SEC14L1: variants seen among roughly 807,000 people sequenced by gnomAD.
The protein encoded by SEC14L1 is SEC14 like lipid binding 1, also known as SEC14-like protein 1.
A neutral mutation model predicts 85.3 loss-of-function variants in SEC14L1; 48 were observed. That is an observed-to-expected ratio of 0.56 (90% CI 0.45 to 0.72). SEC14L1 has a LOEUF of 0.72. SEC14L1 is among the 30% of genes least tolerant of loss of function. SEC14L1 has a pLI of 0.00. For missense variants in SEC14L1, 682 were observed against 921.4 expected, an observed-to-expected ratio of 0.74 and a Z score of 3.36; for synonymous variants, 391 against 355.5, an observed-to-expected ratio of 1.10 and a Z score of -1.12.
intron 3 of SEC14L1, among the ~76,000 whole-genome samples, chr17:77,101,621 C>G (rs115224311): frequency 8.5e-4 from 130 of 152,268 alleles, no homozygotes; most frequent in African/African-American, 3.0e-3. Flanking sequence ...GCAAAGGACT[C>G]CCCTGGGGAT....
chr17:77,120,991 C>A (rs1247247491), intron 3 of SEC14L1, among the ~76,000 whole-genome samples: 2 of 152,140 alleles, frequency 1.3e-5, no homozygotes, highest in Non-Finnish European at 2.9e-5. Flanking sequence ...GAGGCAGGAA[C>A]CAAGGCAGCA....
rs774591837 is a variant in SEC14L1, at chr17:77,191,328, C to G, written c.345+16C>G. ...CTGCTACACCGTGAGTAATCTGTCA[C>G]TCGGCGGAAGATGTTCTGCCGACAT... On this transcript the variant is annotated intron_variant, in intron 5 of 16. Coordinates refer to ENST00000436233, the MANE Select transcript of SEC14L1 (RefSeq NM_001143998.2). The G allele has an allele frequency of 3.7e-6, 6 of 1,613,768 alleles. No individual in the cohort carries two copies. The highest frequency in any genetic ancestry group is 5.1e-6 in the Non-Finnish European group (6 of 1,179,756).
rs1197421687 is a variant in SEC14L1, at chr17:77,213,086, G to A, written c.1864-228G>A. On this transcript the variant is annotated intron_variant, in intron 15 of 16. Transcript: ENST00000436233. The surrounding 1 kb of genome is among the most constrained non-coding windows in gnomAD (Gnocchi z 7.1). ...GCCTCGTGAGGGCCACGGACATGGA[G>A]CTTGTCCCTCCGGGCTTCCCAGCAC... Among the ~76,000 whole-genome samples the A allele has an allele frequency of 6.6e-6, 1 of 152,252 alleles. No homozygotes were observed. Among genetic ancestry groups the A allele is most frequent in the African/African-American group, 2.4e-5 (1 of 41,470 alleles).
chr17:77,194,723 G>A lies in SEC14L1; in HGVS notation c.521G>A (p.Gly174Asp), dbSNP rs1975714198. 2.5e-6 allele frequency: 4 copies of A among 1,614,094 alleles called. No homozygotes were observed. The South Asian group carries it at 4.4e-5, about 18-fold the overall frequency. The change falls in exon 7 of 17, where the codon GGC becomes GAC. Residue 174 changes from glycine (G) to aspartate (D), a missense_variant. This residue lies in a region of SEC14L1 where 123 missense variants were observed against 100.6 expected (regional missense o/e 1.22). Transcript: ENST00000436233. ...TACCTTCGCCAATTAGAAGAAGAAG[G>A]CATAACCTTTGTGCCCCGTTGGAGT... ...EYYLRQLEEE[G>D]ITFVPRWSPP... is the part of the protein sequence containing the mutation.
At chr17:77,168,759 T>C (rs1358016904) in intron 3 of SEC14L1, among the ~76,000 whole-genome samples, 1 of 152,214 alleles carries the variant, frequency 6.6e-6, no homozygotes, top group Non-Finnish European at 1.5e-5. Context: ...GGCATTTGGC[T>C]GGTGGGCCTA....
chr17:77,108,942 C>T (rs1255105561), intron 3 of SEC14L1, among the ~76,000 whole-genome samples: 1 of 151,964 alleles, frequency 6.6e-6, no homozygotes, highest in African/African-American at 2.4e-5. Flanking sequence ...TCTGGCTCAG[C>T]CTCCCAAGTA....
chr17:77,216,676 T>C lies in SEC14L1; in HGVS notation c.*2653T>C. On this transcript the variant is annotated 3_prime_UTR_variant, in exon 17 of 17. Transcript: ENST00000436233. ...CCCTCCCAGGCTGAAGATCTGTTCT[T>C]TTTAAGTTGATTCGGGAGTGGCATT... 6.3e-7 allele frequency: 1 copy of C among 1,589,328 alleles called. No individual in the cohort carries two copies. The highest frequency in any genetic ancestry group is 8.6e-7 in the Non-Finnish European group (1 of 1,162,154).
intron 3 of SEC14L1, among the ~76,000 whole-genome samples, chr17:77,154,636 TGTTTTTTTTTG>T (rs968011134): frequency 1.3e-4 from 11 of 87,388 alleles, no homozygotes; most frequent in East Asian, 4.6e-4. Flanking sequence ...TGGTTTTTTT[TGTTTTTTTTTG>T]GTTTTTTTTT....
chr17:77,175,492 C>G (rs1366407681), intron 3 of SEC14L1, among the ~76,000 whole-genome samples: 1 of 152,198 alleles, frequency 6.6e-6, no homozygotes, highest in Non-Finnish European at 1.5e-5. Flanking sequence ...GCTATGCAAC[C>G]CAGATGTCCG....
intron 3 of SEC14L1, among the ~76,000 whole-genome samples, chr17:77,162,979 T>C (rs1018628485): frequency 2.0e-5 from 3 of 152,174 alleles, no homozygotes; most frequent in African/African-American, 4.8e-5. Context: ...TAAAGCTATT[T>C]AGTTTGAGAA....
intron 14 of SEC14L1, chr17:77,211,486 TCA>T (rs1169515874): frequency 5.9e-6 from 1 of 169,514 alleles, no homozygotes; most frequent in Non-Finnish European, 1.3e-5. Flanking sequence ...CGTGTGAGCC[TCA>T]CACGGCAGGC....
chr17:77,169,637 G>A (rs1358265107), intron 3 of SEC14L1, among the ~76,000 whole-genome samples: 1 of 152,100 alleles, frequency 6.6e-6, no homozygotes, highest in Non-Finnish European at 1.5e-5. Context: ...CTATAGTTTC[G>A]TCATGGGGTA....
intron 3 of SEC14L1, among the ~76,000 whole-genome samples, chr17:77,127,021 CT>C (rs1255485411): frequency 6.9e-6 from 1 of 145,042 alleles, no homozygotes; most frequent in Admixed American, 6.9e-5. Flanking sequence ...TTTATTTCTT[CT>C]TTTAAAAAAA....
chr17:77,131,552 G>A (rs557140767), intron 3 of SEC14L1, among the ~76,000 whole-genome samples: 50 of 152,234 alleles, frequency 3.3e-4, no homozygotes, highest in Non-Finnish European at 6.3e-4. Context: ...TTACAGGCGT[G>A]AGCCACCACA....
At position 77,200,648 on chromosome 17, in the gene SEC14L1, G is replaced by A. The variant is rs368855777; in HGVS notation, c.984G>A (p.Ala328=). The part of the protein sequence containing the change: ...TPPQVLQDYY[A]GGWHHHDKDG... ...CTCAGGTCCTTCAGGATTACTACGC[G>A]GGAGGCTGGCATCATCACGACAAAG... The change falls in exon 9 of 17, where the codon GCG becomes GCA. Residue 328 remains alanine (A), a synonymous_variant. Coordinates refer to ENST00000436233, the MANE Select transcript of SEC14L1 (RefSeq NM_001143998.2). The A allele has an allele frequency of 7.8e-5, 126 of 1,613,476 alleles. No homozygotes were observed. The Admixed American group carries it at 1.1e-3, about 14-fold the overall frequency.
chr17:77,160,361 T>G (rs1406440912), intron 3 of SEC14L1, among the ~76,000 whole-genome samples: 1 of 152,262 alleles, frequency 6.6e-6, no homozygotes, highest in Non-Finnish European at 1.5e-5. Context: ...TGCACACTGC[T>G]ATTTTGTTGT....
intron 3 of SEC14L1, among the ~76,000 whole-genome samples, chr17:77,167,562 T>C (rs1974339389): frequency 6.6e-6 from 1 of 152,202 alleles, no homozygotes; most frequent in Non-Finnish European, 1.5e-5. Context: ...TATAGAAAAT[T>C]GAGCAGCTAG....
intron 3 of SEC14L1, among the ~76,000 whole-genome samples, chr17:77,167,129 GTTTTC>G (rs1000336822): frequency 2.1e-5 from 3 of 141,926 alleles, no homozygotes; most frequent in Non-Finnish European, 4.6e-5. Context: ...TTGTCTTTCT[GTTTTC>G]TTTTCTTTTT....
intron 5 of SEC14L1, among the ~76,000 whole-genome samples, 189 bp downstream of exon 5, chr17:77,191,501 C>T (rs920522937): frequency 1.3e-5 from 2 of 151,784 alleles, no homozygotes; most frequent in South Asian, 2.1e-4. Context: ...ATTATGTTGT[C>T]GTGGCAGTTA....
Sources: gnomAD v4.1 joint callset for allele counts (sites outside exome capture counted in the v4.1 genomes callset) on GRCh38, gnomAD v4.1.1 for gene constraint, gnomAD v4.1.1 regional missense constraint, Gnocchi (gnomAD v3.1) non-coding constraint, MANE v1.5 for transcripts, NCBI Gene and HGNC (gene_info 2026-07-23, HGNC 2026-07-21) for gene names.